The following RANBP17 variants were observed in gnomAD, a reference collection of about 807,000 sequenced individuals.
RANBP17 encodes the protein ran-binding protein 17.
RANBP17 carries 158 observed loss-of-function variants against 141.2 expected under a neutral mutation model. That is an observed-to-expected ratio of 1.12 (90% CI 0.98 to 1.28). The LOEUF (loss-of-function observed/expected upper bound fraction) is 1.28, where lower values mean the gene tolerates loss of function less well. Among genes scored for constraint, RANBP17 ranks in the 50% most tolerant of loss-of-function variants. The pLI is 0.00. For synonymous variants in RANBP17, 430 were observed against 450.0 expected, an observed-to-expected ratio of 0.96 and a Z score of 0.56; for missense variants, 1,438 against 1,290.7, an observed-to-expected ratio of 1.11 and a Z score of -1.75.
chr5:171,088,483 G>T (rs1044360117), intron 14 of RANBP17, among the ~76,000 whole-genome samples: 89 of 146,730 alleles, frequency 6.1e-4, no homozygotes, highest in Admixed American at 4.5e-3. Context: ...GGCATTCTCT[G>T]TATTTCCTGA....
intron 5 of RANBP17, among the ~76,000 whole-genome samples, chr5:170,905,262 G>T (rs1216309959): frequency 1.3e-5 from 2 of 152,040 alleles, no homozygotes; most frequent in Admixed American, 1.3e-4. Context: ...CAGAAGTTGG[G>T]TTCTATGTGG....
intron 14 of RANBP17, among the ~76,000 whole-genome samples, chr5:171,089,870 G>A (rs1786091750): frequency 6.6e-6 from 1 of 152,192 alleles, no homozygotes; most frequent in South Asian, 2.1e-4. Context: ...GCACTCCCTA[G>A]TGAGATGCAC....
intron 12 of RANBP17, among the ~76,000 whole-genome samples, chr5:170,932,348 T>C (rs1183488493): frequency 6.6e-6 from 1 of 152,236 alleles, no homozygotes; most frequent in Non-Finnish European, 1.5e-5. Context: ...TCATGTCATC[T>C]GCAAACAGGG....
chr5:171,012,733 A>G (rs1023936367), intron 14 of RANBP17, among the ~76,000 whole-genome samples: 3 of 152,164 alleles, frequency 2.0e-5, no homozygotes, highest in East Asian at 1.9e-4. Flanking sequence ...CATAATTTTC[A>G]TGACAGTTTT....
chr5:171,041,833 C>T lies in RANBP17; in HGVS notation c.1710+73456C>T, dbSNP rs561921776. Among the ~76,000 whole-genome samples, 50 of 152,148 alleles carry T rather than the reference C, an allele frequency of 3.3e-4. 1 individual carries two copies. In the South Asian group the frequency reaches 7.1e-3, roughly 21 times the overall value. The stretch of plus-strand genomic sequence containing the variant: ...TGCGATGGTGGTTTGCTGCACCTAT[C>T]AACCCATCACCTAGGTATTAAGTCC... On this transcript the variant is annotated intron_variant, in intron 14 of 27. Transcript: ENST00000523189.
At chr5:170,873,191 G>A (rs1382355200) in intron 1 of RANBP17, among the ~76,000 whole-genome samples, 2 of 152,174 alleles carry the variant, frequency 1.3e-5, no homozygotes, top group African/African-American at 2.4e-5. Flanking sequence ...GATTACAGGC[G>A]TGAGCCATGG....
chr5:171,021,328 AT>A (rs1309897162), intron 14 of RANBP17, among the ~76,000 whole-genome samples: 1 of 151,998 alleles, frequency 6.6e-6, no homozygotes, highest in African/African-American at 2.4e-5. Flanking sequence ...TTCTTGCTAG[AT>A]TGGGGGAGTT....
chr5:171,148,945 G>T (rs534803067), intron 14 of RANBP17, among the ~76,000 whole-genome samples: 2 of 152,120 alleles, frequency 1.3e-5, no homozygotes, highest in African/African-American at 2.4e-5. Flanking sequence ...CTCAGTAAAC[G>T]ATAGCTGTTC....
intron 14 of RANBP17, among the ~76,000 whole-genome samples, chr5:171,118,536 G>GT (rs1460668859): frequency 6.6e-6 from 1 of 151,770 alleles, no homozygotes; most frequent in African/African-American, 2.4e-5. Context: ...AGCATAGGAT[G>GT]TTTTTTTCTT....
At chr5:170,943,157 T>C (rs1774470371) in intron 12 of RANBP17, among the ~76,000 whole-genome samples, 1 of 152,160 alleles carries the variant, frequency 6.6e-6, no homozygotes, top group South Asian at 2.1e-4. Flanking sequence ...ATGCCTAACA[T>C]GGCCCTAGTT....
intron 19 of RANBP17, among the ~76,000 whole-genome samples, chr5:171,203,058 C>T (rs1007076168): frequency 2.0e-5 from 3 of 152,108 alleles, no homozygotes; most frequent in Non-Finnish European, 4.4e-5. Context: ...CAGTTTCTCC[C>T]TAACTACCCA....
chr5:170,923,167 A>C (rs1772616099), intron 11 of RANBP17, among the ~76,000 whole-genome samples: 1 of 152,110 alleles, frequency 6.6e-6, no homozygotes, highest in South Asian at 2.1e-4. Flanking sequence ...GATCTCTTTC[A>C]GGCTAATTTT....
In RANBP17 at chr5:171,170,105, T is replaced by G. The variant is rs752137692; in HGVS notation, c.1711-25T>G. ...AAAATATATGTTAATAGTAAAACTT[T>G]TAACAATGAAATGTTTTAATGCAGG... On this transcript the variant is annotated intron_variant, in intron 14 of 27. Coordinates refer to ENST00000523189, the MANE Select transcript of RANBP17 (RefSeq NM_022897.5). 2.3e-6 allele frequency: 3 copies of G among 1,333,166 alleles called. No homozygotes were observed. The South Asian group carries it at 4.5e-5, about 20-fold the overall frequency. The allele number at this position is 1,333,166 out of a possible 1,614,324, so 82.6% of individuals were successfully genotyped here.
chr5:171,149,083 C>T (rs1046736737), intron 14 of RANBP17, among the ~76,000 whole-genome samples: 2 of 152,190 alleles, frequency 1.3e-5, no homozygotes, highest in Non-Finnish European at 2.9e-5. Flanking sequence ...CTACCACGTA[C>T]AAGCTATCTA....
chr5:171,218,752 G>A (rs1369923964), intron 21 of RANBP17, among the ~76,000 whole-genome samples: 1 of 149,000 alleles, frequency 6.7e-6, no homozygotes, highest in Non-Finnish European at 1.5e-5. Context: ...CCATTTGCTT[G>A]GTAAGTATTC....
chr5:171,279,687 CAG>C (rs975745034), intron 25 of RANBP17, among the ~76,000 whole-genome samples: 2 of 152,106 alleles, frequency 1.3e-5, no homozygotes, highest in African/African-American at 4.8e-5. Flanking sequence ...ATAACCCTAA[CAG>C]GGAGATAAGG....
chr5:170,978,631 C>G (rs1013904827), intron 14 of RANBP17, among the ~76,000 whole-genome samples: 8 of 152,100 alleles, frequency 5.3e-5, no homozygotes, highest in Non-Finnish European at 1.2e-4. Flanking sequence ...TTTTATTATT[C>G]CACTTACCAA....
At chr5:170,996,763 A>G (rs1026756159) in intron 14 of RANBP17, among the ~76,000 whole-genome samples, 5 of 152,198 alleles carry the variant, frequency 3.3e-5, no homozygotes, top group African/African-American at 9.7e-5. Context: ...TTTCTCAACT[A>G]TATGAAAGGG....
intron 14 of RANBP17, among the ~76,000 whole-genome samples, chr5:171,081,761 G>A (rs562940431): frequency 6.6e-6 from 1 of 152,082 alleles, no homozygotes; most frequent in South Asian, 2.1e-4. Flanking sequence ...TTACTTAATT[G>A]GAATTTTTAT....
Sources: allele counts gnomAD v4.1 joint callset (sites outside exome capture counted in the v4.1 genomes callset), GRCh38; gene constraint gnomAD v4.1.1; transcripts MANE v1.5; gene names NCBI Gene and HGNC (gene_info 2026-07-23, HGNC 2026-07-21).